NUBPL: variants seen among roughly 807,000 people sequenced by gnomAD.
NUBPL encodes NUBP iron-sulfur cluster assembly factor, mitochondrial, also known as iron-sulfur cluster transfer protein NUBPL.
In NUBPL, 31 loss-of-function variants were observed where a neutral mutation model predicts 45.7. That is an observed-to-expected ratio of 0.68 (90% CI 0.51 to 0.92). The LOEUF is 0.92. Ranked by LOEUF, NUBPL falls within the 40% of genes least tolerant of loss-of-function variation. The pLI is 0.00. For synonymous variants in NUBPL, 144 were observed against 140.9 expected, an observed-to-expected ratio of 1.02 and a Z score of -0.15; for missense variants, 401 against 398.7, an observed-to-expected ratio of 1.01 and a Z score of -0.05.
chr14:31,694,924 T>G (rs2037179811), intron 6 of NUBPL, among the ~76,000 whole-genome samples: 1 of 152,232 alleles, frequency 6.6e-6, no homozygotes, highest in Non-Finnish European at 1.5e-5. Context: ...AATAAAGCCT[T>G]TAGTTACAGA....
At chr14:31,672,844 G>C (rs1020819590) in intron 4 of NUBPL, among the ~76,000 whole-genome samples, 7 of 152,250 alleles carry the variant, frequency 4.6e-5, no homozygotes, top group African/African-American at 1.4e-4. Flanking sequence ...TAGTATGCTT[G>C]GTATAATGTT....
In NUBPL at chr14:31,702,253, G is replaced by A. The variant is rs79846261; in HGVS notation, c.513+28679G>A. 3.9e-4 allele frequency among the ~76,000 whole-genome samples: 59 copies of A among 152,316 alleles called. 1 individual carries two copies. Among genetic ancestry groups the A allele is most frequent in the African/African-American group, 1.3e-3 (52 of 41,566 alleles). On this transcript the variant is annotated intron_variant, in intron 6 of 10. Coordinates refer to ENST00000281081, the MANE Select transcript of NUBPL (RefSeq NM_025152.3). ...CCTGGCATTGATGTATGATAATACGGGTGTAGCATTGCCAACCAGGGAAGC... is the reference window on the plus strand; with the variant it reads ...CCTGGCATTGATGTATGATAATACGAGTGTAGCATTGCCAACCAGGGAAGC...
At chr14:31,700,744 T>C (rs905407880) in intron 6 of NUBPL, among the ~76,000 whole-genome samples, 6 of 152,156 alleles carry the variant, frequency 3.9e-5, no homozygotes, top group African/African-American at 1.4e-4. Context: ...CTGCCTGCAC[T>C]GCACTTGAAT....
At position 31,697,321 on chromosome 14, in the gene NUBPL, A is replaced by T. The variant is rs555633363; in HGVS notation, c.513+23747A>T. On this transcript the variant is annotated intron_variant, in intron 6 of 10. Transcript: ENST00000281081. Reference sequence around the variant, plus strand: ...ATTAGAAAAATGTGCCAAGCCAGTGAAATATATTGATCAAAGGGGAATGAA... The same window carrying T: ...ATTAGAAAAATGTGCCAAGCCAGTGTAATATATTGATCAAAGGGGAATGAA... Among the ~76,000 whole-genome samples, 294 of 152,362 alleles carry T rather than the reference A, an allele frequency of 1.9e-3. 1 individual carries two copies. The highest frequency in any genetic ancestry group is 6.9e-3 in the African/African-American group (289 of 41,590).
intron 8 of NUBPL, among the ~76,000 whole-genome samples, chr14:31,835,693 G>GC (rs939535726): frequency 3.3e-5 from 5 of 151,746 alleles, no homozygotes; most frequent in Admixed American, 1.3e-4. Flanking sequence ...ATGGACACAG[G>GC]CCCCCCCATT....
chr14:31,805,814 A>G (rs1236788756), intron 7 of NUBPL, among the ~76,000 whole-genome samples: 1 of 144,602 alleles, frequency 6.9e-6, no homozygotes, highest in Non-Finnish European at 1.5e-5. Context: ...TATTAGGCTT[A>G]ATACGTGGGT....
chr14:31,569,669 G>A (rs754871569), intron 3 of NUBPL, among the ~76,000 whole-genome samples: 9 of 152,156 alleles, frequency 5.9e-5, no homozygotes, highest in Non-Finnish European at 1.3e-4. Context: ...CTGAGCCAGT[G>A]CATACTGGCT....
At chr14:31,654,110 A>C in intron 4 of NUBPL, 1 of 454,538 alleles carries the variant, frequency 2.2e-6, no homozygotes, top group East Asian at 6.9e-5. Flanking sequence ...CCAGACCACC[A>C]CAATAAAGCA....
intron 4 of NUBPL, among the ~76,000 whole-genome samples, chr14:31,627,804 A>T (rs1247675549): frequency 6.6e-6 from 1 of 151,736 alleles, no homozygotes; most frequent in African/African-American, 2.4e-5. Flanking sequence ...TCCCAAATAG[A>T]TTTGTTAATG....
intron 4 of NUBPL, 49 bp downstream of exon 4, chr14:31,599,428 ATACT>A (rs769802615): frequency 4.8e-6 from 6 of 1,259,856 alleles, no homozygotes; most frequent in South Asian, 2.4e-5. Flanking sequence ...ACTTTTATTA[ATACT>A]TACTGGGTGT....
chr14:31,824,942 T>TA (rs575778456), intron 7 of NUBPL, among the ~76,000 whole-genome samples: 10 of 151,776 alleles, frequency 6.6e-5, no homozygotes, highest in East Asian at 1.9e-4. Flanking sequence ...ACCACAAAAT[T>TA]AAAAAAAAAT....
Position 31,669,797 on chromosome 14 carries a change from G to GTTTTTTTTTTTTTTT in NUBPL, c.383-3547_383-3546insTTTTTTTTTTTTTTT, listed in dbSNP as rs1211411877. 1.5e-4 allele frequency among the ~76,000 whole-genome samples: 10 copies of GTTTTTTTTTTTTTTT among 68,634 alleles called. 2 individuals carry two copies. Among genetic ancestry groups the GTTTTTTTTTTTTTTT allele is most frequent in the Non-Finnish European group, 1.7e-4 (7 of 40,104 alleles). 45.0% of individuals were successfully genotyped at this position (68,634 alleles called of 152,430 possible). A position where few individuals can be genotyped will look rare whatever the true frequency, so the allele number is the denominator to read the frequency against. ...TCTTCCTGCAAAAGACATGATCTTGGTTTTTTTTTTTGTTTTTTTTTTTTT... is the reference window on the plus strand; with the variant it reads ...TCTTCCTGCAAAAGACATGATCTTGGTTTTTTTTTTTTTTTTTTTTTTTTTTGTTTTTTTTTTTTT... On this transcript the variant is annotated intron_variant, in intron 4 of 10. Coordinates refer to ENST00000281081, the MANE Select transcript of NUBPL (RefSeq NM_025152.3).
chr14:31,812,284 G>A (rs565970840), intron 7 of NUBPL, among the ~76,000 whole-genome samples: 14 of 152,322 alleles, frequency 9.2e-5, no homozygotes, highest in Admixed American at 7.2e-4. Context: ...TCGTTGAGCT[G>A]TGGTGGGCTC....
chr14:31,785,331 G>A (rs542962117), intron 6 of NUBPL, among the ~76,000 whole-genome samples: 2 of 152,342 alleles, frequency 1.3e-5, no homozygotes, highest in East Asian at 3.9e-4. Context: ...ACCATGGTCT[G>A]TTAGGAACTG....
At chr14:31,564,119 T>C (rs899307158) in intron 2 of NUBPL, among the ~76,000 whole-genome samples, 1 of 152,206 alleles carries the variant, frequency 6.6e-6, no homozygotes, top group Non-Finnish European at 1.5e-5. Context: ...TAAGGAAATG[T>C]GATTCACATT....
At chr14:31,600,363 C>G (rs1402099462) in intron 4 of NUBPL, among the ~76,000 whole-genome samples, 1 of 152,092 alleles carries the variant, frequency 6.6e-6, no homozygotes, top group Non-Finnish European at 1.5e-5. Context: ...GGAGGCCATT[C>G]CATTGCAGGG....
intron 6 of NUBPL, among the ~76,000 whole-genome samples, chr14:31,685,121 AT>A (rs1193243344): frequency 6.6e-6 from 1 of 152,196 alleles, no homozygotes; most frequent in Admixed American, 6.5e-5. Context: ...CCTCAGACCA[AT>A]TAAATTACAA....
intron 6 of NUBPL, among the ~76,000 whole-genome samples, chr14:31,775,945 G>T (rs1010979048): frequency 6.6e-6 from 1 of 152,174 alleles, no homozygotes; most frequent in African/African-American, 2.4e-5. Flanking sequence ...AGACAGCCAG[G>T]TTATGGTCAG....
At chr14:31,636,876 A>G (rs1342435355) in intron 4 of NUBPL, among the ~76,000 whole-genome samples, 3 of 152,108 alleles carry the variant, frequency 2.0e-5, no homozygotes, top group Admixed American at 1.3e-4. Context: ...GTTTATTTGC[A>G]TAGAGTTGTT....
Sources: allele counts gnomAD v4.1 joint callset (sites outside exome capture counted in the v4.1 genomes callset), GRCh38; gene constraint gnomAD v4.1.1; transcripts MANE v1.5; gene names NCBI Gene and HGNC (gene_info 2026-07-23, HGNC 2026-07-21).